ADGRB3: variants seen among roughly 807,000 people sequenced by gnomAD.
The protein encoded by ADGRB3 is adhesion G protein-coupled receptor B3, also known as brain-specific angiogenesis inhibitor 3.
A neutral mutation model predicts 193.4 loss-of-function variants in ADGRB3; 37 were observed. That is an observed-to-expected ratio of 0.19 (90% confidence interval 0.15 to 0.25). ADGRB3 has a LOEUF of 0.25. Among genes scored for constraint, ADGRB3 ranks in the 10% least tolerant of loss-of-function variants. ADGRB3 has a pLI of 1.00. For missense variants in ADGRB3, 1,637 were observed against 1,852.9 expected, an observed-to-expected ratio of 0.88 and a Z score of 2.14; for synonymous variants, 690 against 644.2, an observed-to-expected ratio of 1.07 and a Z score of -1.08.
chr6:69,335,981 A>C (rs1023161587), intron 24 of ADGRB3, among the ~76,000 whole-genome samples: 1 of 152,084 alleles, frequency 6.6e-6, no homozygotes, highest in African/African-American at 2.4e-5. Context: ...TTAATAAATA[A>C]TACAATAGTT....
At chr6:68,838,637 A>G (rs549787317) in intron 3 of ADGRB3, among the ~76,000 whole-genome samples, 1 of 152,316 alleles carries the variant, frequency 6.6e-6, no homozygotes, top group South Asian at 2.1e-4. Flanking sequence ...TAGAAAGCAC[A>G]TTGGTTTAAG....
rs376847140 is a variant in ADGRB3 at position 68,809,825 on chromosome 6, C to T, written c.758-120734C>T. 6.6e-5 allele frequency among the ~76,000 whole-genome samples: 10 copies of T among 152,188 alleles called. No individual in the cohort carries two copies. In the South Asian group the frequency reaches 8.3e-4, roughly 13 times the overall value. On this transcript the variant is annotated intron_variant, in intron 3 of 31. Coordinates refer to ENST00000370598, the MANE Select transcript of ADGRB3 (RefSeq NM_001704.3). ...GTCTCTGCCTTTTTTCTCTCCAATACGTAAAGCTGAATTACAACACAAGTA... is the reference window on the plus strand; with the variant it reads ...GTCTCTGCCTTTTTTCTCTCCAATATGTAAAGCTGAATTACAACACAAGTA...
intron 20 of ADGRB3, among the ~76,000 whole-genome samples, chr6:69,255,367 C>T (rs1766737116): frequency 6.6e-6 from 1 of 152,160 alleles, no homozygotes; most frequent in African/African-American, 2.4e-5. Flanking sequence ...TCTCCAGCAC[C>T]TGTTGTTTCC....
At chr6:69,343,185 CTT>C (rs766250959) in intron 26 of ADGRB3, among the ~76,000 whole-genome samples, 1 of 133,742 alleles carries the variant, frequency 7.5e-6, no homozygotes, top group African/African-American at 2.7e-5. Context: ...CTTTGTAATT[CTT>C]TTTTTTTTTA....
Position 68,763,427 on chromosome 6 carries a change from A to T in ADGRB3, c.757+123995A>T, listed in dbSNP as rs578205216. On this transcript the variant is annotated intron_variant, in intron 3 of 31. Transcript: ENST00000370598. Reference sequence around the variant, plus strand: ...TGTTATACTTTAATCATTGAAAAAGACATGCTACTCCTATTTTATTCATTT... The same window carrying T: ...TGTTATACTTTAATCATTGAAAAAGTCATGCTACTCCTATTTTATTCATTT... Among the ~76,000 whole-genome samples the T allele has an allele frequency of 2.0e-5, 3 of 152,314 alleles. No homozygotes were observed. The South Asian group carries it at 6.2e-4, about 32-fold the overall frequency.
intron 8 of ADGRB3, among the ~76,000 whole-genome samples, chr6:68,973,459 T>C (rs1369783677): frequency 2.6e-5 from 4 of 152,216 alleles, no homozygotes; most frequent in African/African-American, 9.6e-5. Flanking sequence ...GGTAATTTAA[T>C]GAGTTCGTAA....
At chr6:68,873,283 A>C (rs1765509337) in intron 3 of ADGRB3, among the ~76,000 whole-genome samples, 1 of 147,952 alleles carries the variant, frequency 6.8e-6, no homozygotes, top group East Asian at 1.9e-4. Flanking sequence ...AGCAAAAGCA[A>C]TGGATGACAC....
intron 3 of ADGRB3, among the ~76,000 whole-genome samples, chr6:68,726,862 C>T (rs969158000): frequency 2.0e-5 from 3 of 151,500 alleles, no homozygotes; most frequent in African/African-American, 7.3e-5. Context: ...TATATTCTAA[C>T]CCCAACTGTG....
chr6:68,708,522 C>G, intron 3 of ADGRB3, among the ~76,000 whole-genome samples: 1 of 151,990 alleles, frequency 6.6e-6, no homozygotes, highest in Admixed American at 6.6e-5. Context: ...CCTAAAGGGC[C>G]CAGTTCAAAG....
At chr6:69,269,664 ATAAT>A (rs1377990454) in intron 20 of ADGRB3, among the ~76,000 whole-genome samples, 2 of 152,192 alleles carry the variant, frequency 1.3e-5, no homozygotes, top group African/African-American at 4.8e-5. Context: ...GCCCACAGCA[ATAAT>A]TAGTTTATAA....
chr6:68,645,104 C>A (rs956778761), intron 3 of ADGRB3, among the ~76,000 whole-genome samples: 3 of 151,860 alleles, frequency 2.0e-5, no homozygotes, highest in African/African-American at 7.3e-5. Context: ...TATGTATTAC[C>A]TATAAAAGCA....
chr6:69,300,590 A>G (rs1391055568), intron 20 of ADGRB3, among the ~76,000 whole-genome samples: 2 of 151,828 alleles, frequency 1.3e-5, no homozygotes, highest in Admixed American at 6.6e-5. Context: ...CCAAGAAACT[A>G]TTAGAACTGA....
intron 5 of ADGRB3, 54 bp downstream of exon 5, chr6:68,936,734 G>T (rs62416451): frequency 2.6e-6 from 4 of 1,553,074 alleles, no homozygotes; most frequent in African/African-American, 1.4e-5. Context: ...GTCATGCTAC[G>T]CATTTGGAAC....
At chr6:68,904,907 G>T (rs1015255969) in intron 3 of ADGRB3, among the ~76,000 whole-genome samples, 1 of 152,144 alleles carries the variant, frequency 6.6e-6, no homozygotes, top group Non-Finnish European at 1.5e-5. Context: ...TTCAGTGGTT[G>T]TAGGACTTTC....
intron 20 of ADGRB3, among the ~76,000 whole-genome samples, chr6:69,261,723 A>G (rs1050085021): frequency 1.2e-4 from 19 of 152,066 alleles, no homozygotes; most frequent in African/African-American, 4.6e-4. Context: ...TTTATGTTAT[A>G]TAGTACTTAT....
chr6:69,193,907 A>G (rs1156521654), intron 17 of ADGRB3, among the ~76,000 whole-genome samples: 1 of 152,104 alleles, frequency 6.6e-6, no homozygotes, highest in Non-Finnish European at 1.5e-5. Flanking sequence ...AGCCAGGGCA[A>G]AAAAGTGAAG....
At chr6:69,270,303 T>G (rs886414185) in intron 20 of ADGRB3, among the ~76,000 whole-genome samples, 1 of 152,176 alleles carries the variant, frequency 6.6e-6, no homozygotes, top group Non-Finnish European at 1.5e-5. Context: ...AGAAAGGATG[T>G]CACAGAGAGA....
chr6:69,206,063 A>G lies in ADGRB3; in HGVS notation c.2481-27227A>G, dbSNP rs957864127. ...AATAATGGTATATATATATATATAT[A>G]TATATATATATATATGAGTTTATTA... On this transcript the variant is annotated intron_variant, in intron 17 of 31. Transcript: ENST00000370598. 4.2e-3 allele frequency among the ~76,000 whole-genome samples: 603 copies of G among 143,108 alleles called. 3 individuals are homozygous for G. The highest frequency in any genetic ancestry group is 7.7e-3 in the Non-Finnish European group (504 of 65,720). 93.9% of individuals were successfully genotyped at this position (143,108 alleles called of 152,430 possible).
intron 3 of ADGRB3, among the ~76,000 whole-genome samples, chr6:68,779,230 A>ATG (rs4038665): frequency 0.36 from 51,498 of 144,032 alleles, 9,010 homozygotes; most frequent in African/African-American, 0.44. Flanking sequence ...TGTATATATT[A>ATG]TGTGTGTGTG....
Sources: allele counts gnomAD v4.1 joint callset (sites outside exome capture counted in the v4.1 genomes callset), GRCh38; gene constraint gnomAD v4.1.1; transcripts MANE v1.5; gene names NCBI Gene and HGNC (gene_info 2026-07-23, HGNC 2026-07-21).